The following ZNF804B variants were observed in gnomAD, a reference collection of about 807,000 sequenced individuals.
ZNF804B encodes zinc finger 804B.
A neutral mutation model predicts 101.4 loss-of-function variants in ZNF804B; 80 were observed. The ratio of observed to expected loss-of-function variants is 0.79; its 90% CI spans 0.66 to 0.95. The LOEUF is 0.95. Among genes scored for constraint, ZNF804B ranks in the 40% least tolerant of loss-of-function variants. The pLI, the probability that ZNF804B is intolerant of heterozygous loss-of-function variation, is 0.00. For synonymous variants in ZNF804B, 622 were observed against 558.8 expected (o/e 1.11, Z -1.59); for missense variants, 1,673 against 1,561.9 (o/e 1.07, Z -1.20).
intron 2 of ZNF804B, among the ~76,000 whole-genome samples, chr7:89,224,147 A>G (rs1007169033): frequency 5.3e-5 from 8 of 152,006 alleles, no homozygotes; most frequent in Non-Finnish European, 1.0e-4. Context: ...GAAAAAACAA[A>G]TGAGCCAGAT....
chr7:89,255,862 A>G (rs956170538), intron 2 of ZNF804B, among the ~76,000 whole-genome samples: 17 of 152,164 alleles, frequency 1.1e-4, no homozygotes, highest in Non-Finnish European at 4.4e-5. Context: ...AAAAAGATTC[A>G]TAAAAGTGAG....
intron 2 of ZNF804B, among the ~76,000 whole-genome samples, chr7:89,225,874 A>G (rs1789080991): frequency 6.6e-6 from 1 of 152,148 alleles, no homozygotes; most frequent in South Asian, 2.1e-4. Flanking sequence ...TAGAAAAATA[A>G]TCCTAAAAGC....
intron 2 of ZNF804B, among the ~76,000 whole-genome samples, chr7:89,230,789 G>A (rs1246564271): frequency 6.6e-6 from 1 of 152,020 alleles, no homozygotes; most frequent in Non-Finnish European, 1.5e-5. Context: ...AATCATTATA[G>A]TATGTGTGTA....
intron 1 of ZNF804B, among the ~76,000 whole-genome samples, chr7:88,804,004 GA>G (rs1790647245): frequency 6.6e-6 from 1 of 152,050 alleles, no homozygotes; most frequent in African/African-American, 2.4e-5. Context: ...CACTGCAGGA[GA>G]AACGTTTAAA....
At chr7:88,787,018 G>C (rs1034941369) in intron 1 of ZNF804B, among the ~76,000 whole-genome samples, 1 of 152,102 alleles carries the variant, frequency 6.6e-6, no homozygotes, top group Non-Finnish European at 1.5e-5. Context: ...ACAGAAAAAA[G>C]TTCCTTGAGT....
chr7:88,939,102 G>A (rs1272928148), intron 1 of ZNF804B, among the ~76,000 whole-genome samples: 2 of 152,026 alleles, frequency 1.3e-5, no homozygotes, highest in African/African-American at 4.8e-5. Flanking sequence ...TCTATTTTCT[G>A]TTGTCTAAGA....
intron 1 of ZNF804B, among the ~76,000 whole-genome samples, chr7:88,903,825 G>A (rs1019871355): frequency 6.6e-6 from 1 of 151,884 alleles, no homozygotes; most frequent in South Asian, 2.1e-4. Flanking sequence ...GTTGCTTTAA[G>A]CTCCTTATGG....
intron 1 of ZNF804B, among the ~76,000 whole-genome samples, chr7:89,090,462 G>C (rs999899974): frequency 3.9e-5 from 6 of 151,966 alleles, no homozygotes; most frequent in Non-Finnish European, 7.4e-5. Flanking sequence ...ACAATGTTTG[G>C]CACAAAGGAA....
intron 1 of ZNF804B, among the ~76,000 whole-genome samples, chr7:88,967,397 C>T (rs2116103148): frequency 6.6e-6 from 1 of 151,616 alleles, no homozygotes; most frequent in South Asian, 2.1e-4. Context: ...GAAATCCACC[C>T]CCATGATCCA....
chr7:88,925,165 G>C (rs1227571162), intron 1 of ZNF804B, among the ~76,000 whole-genome samples: 1 of 152,028 alleles, frequency 6.6e-6, no homozygotes, highest in Non-Finnish European at 1.5e-5. Flanking sequence ...GCAATAATTA[G>C]ATCTTAGAGC....
intron 1 of ZNF804B, among the ~76,000 whole-genome samples, chr7:89,199,917 A>G (rs978639239): frequency 2.7e-5 from 4 of 148,426 alleles, no homozygotes; most frequent in Non-Finnish European, 5.9e-5. Context: ...GTATATGTGT[A>G]TATTATACAA....
chr7:89,002,722 T>C (rs1437078757), intron 1 of ZNF804B, among the ~76,000 whole-genome samples: 2 of 151,922 alleles, frequency 1.3e-5, no homozygotes, highest in African/African-American at 4.8e-5. Flanking sequence ...TCTTATCTCA[T>C]GTTGAATAGT....
chr7:89,080,937 A>G (rs1789687826), intron 1 of ZNF804B, among the ~76,000 whole-genome samples: 1 of 151,968 alleles, frequency 6.6e-6, no homozygotes, highest in Admixed American at 6.6e-5. Context: ...AACTAAATGA[A>G]TAGATAATTT....
At chr7:89,005,488 G>A (rs1056545297) in intron 1 of ZNF804B, among the ~76,000 whole-genome samples, 3 of 151,990 alleles carry the variant, frequency 2.0e-5, no homozygotes, top group Non-Finnish European at 4.4e-5. Flanking sequence ...TAATTTTGAT[G>A]CACCAATTTT....
intron 1 of ZNF804B, among the ~76,000 whole-genome samples, chr7:89,108,610 G>T (rs1790170438): frequency 6.6e-6 from 1 of 152,092 alleles, no homozygotes; most frequent in South Asian, 2.1e-4. Context: ...ACGTTTAATG[G>T]TCTCTCTGAC....
intron 1 of ZNF804B, among the ~76,000 whole-genome samples, chr7:88,877,045 A>T (rs1264442525): frequency 0.01 from 381 of 36,388 alleles, 8 homozygotes; most frequent in African/African-American, 0.013. Flanking sequence ...ATATATATAT[A>T]TATATTTTTT....
chr7:89,013,091 C>T (rs561575705), intron 1 of ZNF804B, among the ~76,000 whole-genome samples: 2 of 152,200 alleles, frequency 1.3e-5, no homozygotes, highest in African/African-American at 4.8e-5. Context: ...GGGGAACCGC[C>T]CCCAAGATCC....
chr7:89,080,775 T>C (rs546629673), intron 1 of ZNF804B, among the ~76,000 whole-genome samples: 5 of 151,962 alleles, frequency 3.3e-5, no homozygotes, highest in Non-Finnish European at 5.9e-5. Context: ...CTTATTCTTA[T>C]AAATTTTAAG....
Position 89,334,088 on chromosome 7 carries a change from C to A in ZNF804B, c.1106C>A (p.Pro369Gln). Residue 369 changes from proline to glutamine, a missense_variant, in exon 4 of 4, where the codon CCA (proline) becomes CAA (glutamine). Coordinates refer to ENST00000333190, the MANE Select transcript of ZNF804B (RefSeq NM_181646.5). ...TGCCAAGCAAATGCTTCCTTCAGCC[C>A]ACCAAACATTTACAACCATAGTGAT... is the stretch of plus-strand genomic sequence containing the variant. Reference protein sequence around the residue: ...HPCQANASFSPPNIYNHSDAR... With the variant: ...HPCQANASFSQPNIYNHSDAR... The A allele has an allele frequency of 2.5e-6, 4 of 1,613,640 alleles. No homozygotes were observed. In the South Asian group the frequency reaches 4.4e-5, roughly 18 times the overall value.
Sources: gnomAD v4.1 joint callset for allele counts (sites outside exome capture counted in the v4.1 genomes callset) on GRCh38, gnomAD v4.1.1 for gene constraint, MANE v1.5 for transcripts, NCBI Gene and HGNC (gene_info 2026-07-23, HGNC 2026-07-21) for gene names.